ADARB2: variants seen among roughly 807,000 people sequenced by gnomAD.
ADARB2 encodes adenosine deaminase RNA specific B2 (inactive), also known as inactive double-stranded RNA-specific editase B2.
A neutral mutation model predicts 62.2 loss-of-function variants in ADARB2; 25 were observed. The observed-to-expected ratio is 0.40, with a 90% CI of 0.29 to 0.56. The LOEUF (loss-of-function observed/expected upper bound fraction) is 0.56. ADARB2 is among the 20% of genes least tolerant of loss of function. The probability of loss-of-function intolerance (pLI) is 0.43; values close to 1 mark genes in which losing one functional copy is unlikely to be tolerated. For synonymous variants in ADARB2, 572 were observed against 500.8 expected (o/e 1.14, Z -1.90); for missense variants, 1,071 against 1,077.4 (o/e 0.99, Z 0.08).
intron 1 of ADARB2, among the ~76,000 whole-genome samples, chr10:1,612,111 G>T (rs1833580100): frequency 6.6e-6 from 1 of 152,194 alleles, no homozygotes; most frequent in African/African-American, 2.4e-5. Flanking sequence ...CTGTGACTCG[G>T]TTCCTCCCCA....
At chr10:1,199,693 ATTC>A in intron 8 of ADARB2, 2 of 393,106 alleles carry the variant, frequency 5.1e-6, no homozygotes, top group Non-Finnish European at 9.0e-6. Context: ...AACACTAGTG[ATTC>A]TGTTTTCAGA....
intron 1 of ADARB2, among the ~76,000 whole-genome samples, chr10:1,449,429 G>C (rs1156839719): frequency 1.3e-5 from 2 of 152,162 alleles, no homozygotes; most frequent in East Asian, 3.8e-4. Flanking sequence ...TTCTTCAGAA[G>C]TCCCATATCC....
Position 1,578,949 on chromosome 10 carries a change from G to C in ADARB2, c.100+158102C>G, listed in dbSNP as rs115643642. Among the ~76,000 whole-genome samples the C allele has an allele frequency of 7.7e-3, 1,171 of 152,300 alleles. 19 individuals carry two copies. Among genetic ancestry groups the C allele is most frequent in the African/African-American group, 0.025 (1,036 of 41,552 alleles). ...GGGTCTGGGGTGGGACACAGAGGAA[G>C]GATGCCGCAGCCAGGGGCAGAGGTG... On this transcript the variant is annotated intron_variant, in intron 1 of 9. Transcript: ENST00000381312.
intron 1 of ADARB2, among the ~76,000 whole-genome samples, chr10:1,690,336 T>C (rs916686809): frequency 2.6e-5 from 4 of 152,232 alleles, no homozygotes; most frequent in African/African-American, 9.6e-5. Flanking sequence ...TTATGACATA[T>C]CTGCTTCCAG....
At chr10:1,638,902 C>G (rs1244661276) in intron 1 of ADARB2, among the ~76,000 whole-genome samples, 2 of 152,218 alleles carry the variant, frequency 1.3e-5, no homozygotes, top group Non-Finnish European at 2.9e-5. Context: ...ATGCAGGTGA[C>G]ACAAGTCACA....
At chr10:1,366,260 G>T (rs1832312842) in intron 2 of ADARB2, among the ~76,000 whole-genome samples, 1 of 152,222 alleles carries the variant, frequency 6.6e-6, no homozygotes, top group African/African-American at 2.4e-5. Context: ...CAGCTGGGGT[G>T]ATGAATGCAT....
chr10:1,587,592 A>G (rs1833197386), intron 1 of ADARB2, among the ~76,000 whole-genome samples: 1 of 151,938 alleles, frequency 6.6e-6, no homozygotes, highest in South Asian at 2.1e-4. Flanking sequence ...GTGTGGGGAG[A>G]TAGCGTGGGT....
intron 1 of ADARB2, among the ~76,000 whole-genome samples, chr10:1,633,079 CTCCTGCTTT>C (rs1252750498): frequency 6.6e-6 from 1 of 152,180 alleles, no homozygotes; most frequent in Non-Finnish European, 1.5e-5. Flanking sequence ...CCTGCTTCCT[CTCCTGCTTT>C]TCCTGCTTCT....
At chr10:1,427,535 T>C (rs2131888099) in intron 1 of ADARB2, among the ~76,000 whole-genome samples, 2 of 152,366 alleles carry the variant, frequency 1.3e-5, no homozygotes, top group South Asian at 4.1e-4. Flanking sequence ...TGTTACCATA[T>C]ACCTGGCAGA....
rs146974522 is a variant in ADARB2 at position 1,663,336 on chromosome 10, C to A, written c.100+73715G>T. Among the ~76,000 whole-genome samples, 464 of 152,250 alleles carry A rather than the reference C, an allele frequency of 3.0e-3. 3 individuals are homozygous for A. Among genetic ancestry groups the A allele is most frequent in the African/African-American group, 0.01 (418 of 41,538 alleles). On this transcript the variant is annotated intron_variant, in intron 1 of 9. Coordinates refer to ENST00000381312, the MANE Select transcript of ADARB2 (RefSeq NM_018702.4). Reference sequence around the variant, plus strand: ...TACATCTGGGTTACTCTGCGTGGTGCGGCTCTGAGAATTGCGACAAGTGCA... The same window carrying A: ...TACATCTGGGTTACTCTGCGTGGTGAGGCTCTGAGAATTGCGACAAGTGCA...
At chr10:1,216,695 C>A in intron 7 of ADARB2, 1 of 535,902 alleles carries the variant, frequency 1.9e-6, no homozygotes, top group Non-Finnish European at 3.3e-6. Flanking sequence ...CCGGGCCTTG[C>A]TCGGGGCTGT....
chr10:1,450,903 C>T (rs1004772886), intron 1 of ADARB2, among the ~76,000 whole-genome samples: 3 of 152,194 alleles, frequency 2.0e-5, no homozygotes, highest in East Asian at 3.9e-4. Context: ...TGGGTGACCC[C>T]ACTGGCCCTC....
At chr10:1,492,346 G>C (rs374300362) in intron 1 of ADARB2, among the ~76,000 whole-genome samples, 1 of 152,200 alleles carries the variant, frequency 6.6e-6, no homozygotes, top group South Asian at 2.1e-4. Flanking sequence ...AGCTCGTTAA[G>C]AGGAGACCCC....
At chr10:1,637,002 GTCTT>G (rs1051465637) in intron 1 of ADARB2, among the ~76,000 whole-genome samples, 5 of 151,320 alleles carry the variant, frequency 3.3e-5, no homozygotes. Context: ...TACAATAACA[GTCTT>G]TCTTTTTTTT....
chr10:1,390,782 C>T (rs538896778), intron 1 of ADARB2, among the ~76,000 whole-genome samples: 65 of 152,370 alleles, frequency 4.3e-4, no homozygotes, highest in African/African-American at 1.5e-3. Flanking sequence ...TCCTCTGCAT[C>T]TACATAAAGT....
chr10:1,511,006 C>T (rs1434904172), intron 1 of ADARB2, among the ~76,000 whole-genome samples: 3 of 152,204 alleles, frequency 2.0e-5, no homozygotes, highest in Non-Finnish European at 4.4e-5. Flanking sequence ...GTGCATGCTA[C>T]CATGTCCGGC....
At chr10:1,443,774 T>C (rs1830929706) in intron 1 of ADARB2, among the ~76,000 whole-genome samples, 1 of 152,148 alleles carries the variant, frequency 6.6e-6, no homozygotes, top group Non-Finnish European at 1.5e-5. Context: ...GAGAAAGCCA[T>C]TGCAAGAGAT....
At position 1,242,406 on chromosome 10, in the gene ADARB2, T is replaced by C. The variant is rs891569229; in HGVS notation, c.1193-107A>G. On this transcript the variant is annotated intron_variant, in intron 4 of 9. Transcript: ENST00000381312. ...AGCGGTTTCCCTGGGTTAGGAAACC[T>C]TGGAAACACTGCGTTTTGAGAGCTG... 151 of 1,355,368 alleles carry C rather than the reference T, an allele frequency of 1.1e-4. No homozygotes were observed. In the African/African-American group the frequency reaches 1.7e-3, roughly 15 times the overall value. 84.0% of individuals were successfully genotyped at this position (1,355,368 alleles called of 1,614,324 possible). A position where few individuals can be genotyped will look rare whatever the true frequency, so the allele number is the denominator to read the frequency against.
chr10:1,496,921 G>A (rs185980192), intron 1 of ADARB2, among the ~76,000 whole-genome samples: 171 of 152,238 alleles, frequency 1.1e-3, no homozygotes, highest in African/African-American at 4.1e-3. Context: ...GAGACATTAA[G>A]TAGAAACAAC....
Sources: allele counts gnomAD v4.1 joint callset (sites outside exome capture counted in the v4.1 genomes callset), GRCh38; gene constraint gnomAD v4.1.1; transcripts MANE v1.5; gene names NCBI Gene and HGNC (gene_info 2026-07-23, HGNC 2026-07-21).